KRT86: variants seen among roughly 807,000 people sequenced by gnomAD.
KRT86 encodes keratin 86, also known as keratin, type II cuticular Hb6.
A neutral mutation model predicts 41.2 loss-of-function variants in KRT86; 30 were observed. The ratio of observed to expected loss-of-function variants is 0.73; its 90% CI spans 0.54 to 0.99. The LOEUF (loss-of-function observed/expected upper bound fraction) is 0.99. KRT86 is among the 50% of genes least tolerant of loss of function. KRT86 has a pLI of 0.00. For missense variants in KRT86, 561 were observed against 571.4 expected, an observed-to-expected ratio of 0.98 and a Z score of 0.19; for synonymous variants, 238 against 238.1, an observed-to-expected ratio of 1.00 and a Z score of 0.00.
chr12:52,281,955 G>T (rs1249226912), intron 2 of KRT86, among the ~76,000 whole-genome samples: 1 of 151,968 alleles, frequency 6.6e-6, no homozygotes. Context: ...TGCCCAGGCT[G>T]GTCTCAAACT....
intron 5 of KRT86, among the ~76,000 whole-genome samples, chr12:52,304,701 G>T (rs1346892380): frequency 6.6e-6 from 1 of 151,778 alleles, no homozygotes; most frequent in Non-Finnish European, 1.5e-5. Flanking sequence ...AGATAAGAGG[G>T]TAAGGAGCAG....
At chr12:52,308,061 T>G in intron 9 of KRT86, 172 bp from the exon 10 acceptor site, 1 of 820,904 alleles carries the variant, frequency 1.2e-6, no homozygotes, top group Non-Finnish European at 1.9e-6. Context: ...GCCTTCTGTC[T>G]CCAGACCCTC....
intron 2 of KRT86, chr12:52,278,982 G>A (rs1937705722): frequency 6.6e-6 from 1 of 152,434 alleles, no homozygotes; most frequent in South Asian, 2.1e-4. Context: ...TCCTGGTGGG[G>A]AGGAGGGTCT....
chr12:52,296,663 G>GT (rs1565745385), intron 2 of KRT86, among the ~76,000 whole-genome samples: 1 of 151,924 alleles, frequency 6.6e-6, no homozygotes, highest in Admixed American at 6.5e-5. Context: ...TCTGACTTGG[G>GT]CTCTCCCCAA....
At chr12:52,307,759 G>A (rs1300654327) in intron 9 of KRT86, among the ~76,000 whole-genome samples, 1 of 152,218 alleles carries the variant, frequency 6.6e-6, no homozygotes, top group African/African-American at 2.4e-5. Context: ...AGACAAAAAT[G>A]TCTACCCTCC....
At chr12:52,274,749 G>C (rs758085728) in intron 1 of KRT86, 27 bp downstream of exon 1, 4 of 984,520 alleles carry the variant, frequency 4.1e-6, no homozygotes, top group Non-Finnish European at 4.8e-6. Flanking sequence ...TGGCTCCCTG[G>C]TCACACAGGG....
chr12:52,278,520 T>G (rs1244084696), intron 2 of KRT86, among the ~76,000 whole-genome samples: 1 of 141,364 alleles, frequency 7.1e-6, no homozygotes, highest in Admixed American at 7.5e-5. Context: ...AAGGCAGGAG[T>G]GATCAGAGAG....
At chr12:52,305,825 G>A (rs767242400) in intron 8 of KRT86, 37 bp downstream of exon 8, 2 of 1,613,832 alleles carry the variant, frequency 1.2e-6, no homozygotes, top group African/African-American at 1.3e-5. Context: ...GAGAGACCGA[G>A]GGTCTAACCA....
intron 6 of KRT86, 37 bp downstream of exon 6, chr12:52,305,064 A>G (rs745923853): frequency 6.2e-7 from 1 of 1,612,306 alleles, no homozygotes; most frequent in African/African-American, 1.3e-5. Flanking sequence ...CCTGGCAGCC[A>G]GCAGAGAGGA....
At chr12:52,288,056 G>A (rs575437435) in intron 2 of KRT86, 13 of 1,614,164 alleles carry the variant, frequency 8.1e-6, no homozygotes, top group African/African-American at 1.3e-5. Flanking sequence ...CCTTAATCTC[G>A]GCAATGATGC....
At chr12:52,292,607 G>A (rs1938155040) in intron 2 of KRT86, among the ~76,000 whole-genome samples, 1 of 152,218 alleles carries the variant, frequency 6.6e-6, no homozygotes, top group Admixed American at 6.5e-5. Context: ...GTCCTCAGCA[G>A]CTACCTGTAA....
At chr12:52,286,977 A>G in intron 2 of KRT86, 1 of 1,569,636 alleles carries the variant, frequency 6.4e-7, no homozygotes. Flanking sequence ...AGCCCTCCCC[A>G]CACCGGAAGT....
chr12:52,284,803 G>T (rs553790462), intron 2 of KRT86, among the ~76,000 whole-genome samples: 1 of 152,180 alleles, frequency 6.6e-6, no homozygotes, highest in Non-Finnish European at 1.5e-5. Flanking sequence ...GTATGTTCAG[G>T]GAGTCACCTT....
At chr12:52,294,290 C>G (rs1253639104) in intron 2 of KRT86, among the ~76,000 whole-genome samples, 3 of 152,236 alleles carry the variant, frequency 2.0e-5, no homozygotes, top group Non-Finnish European at 2.9e-5. Context: ...ATAAAAACAA[C>G]ATGTATAAAC....
intron 2 of KRT86, chr12:52,286,911 G>A: frequency 6.5e-7 from 1 of 1,548,222 alleles, no homozygotes; most frequent in Admixed American, 1.8e-5. Context: ...GTCCACAACT[G>A]GTCAATTAAG....
intron 2 of KRT86, chr12:52,287,872 C>A (rs566235279): frequency 1.6e-5 from 25 of 1,603,934 alleles, no homozygotes; most frequent in Admixed American, 6.8e-5. Flanking sequence ...ATTGGCAGCC[C>A]TCTCTTCTCA....
intron 2 of KRT86, among the ~76,000 whole-genome samples, chr12:52,292,610 A>C (rs1303431765): frequency 6.6e-6 from 1 of 152,234 alleles, no homozygotes; most frequent in African/African-American, 2.4e-5. Context: ...CTCAGCAGCT[A>C]CCTGTAAGTA....
intron 2 of KRT86, among the ~76,000 whole-genome samples, chr12:52,283,123 C>G (rs1051727006): frequency 6.6e-6 from 1 of 152,104 alleles, no homozygotes. Context: ...TGACTGGGTG[C>G]GGTGGCTCAT....
At chr12:52,297,969 G>C (rs1938287136) in intron 2 of KRT86, among the ~76,000 whole-genome samples, 1 of 152,204 alleles carries the variant, frequency 6.6e-6, no homozygotes, top group South Asian at 2.1e-4. Context: ...TTTAGGATCA[G>C]GCAAAAATAA....
Sources: allele counts gnomAD v4.1 joint callset (sites outside exome capture counted in the v4.1 genomes callset), GRCh38; gene constraint gnomAD v4.1.1; transcripts MANE v1.5; gene names NCBI Gene and HGNC (gene_info 2026-07-23, HGNC 2026-07-21).